TBC1D20: variants seen among roughly 807,000 people sequenced by gnomAD.
TBC1D20 encodes chromosome 20 open reading frame 140.
A neutral mutation model predicts 41.6 loss-of-function variants in TBC1D20; 12 were observed. That is an observed-to-expected ratio of 0.29 (90% CI 0.18 to 0.47). TBC1D20 has a LOEUF of 0.47. Ranked by LOEUF, TBC1D20 falls within the 20% of genes least tolerant of loss-of-function variation. The pLI, the probability that TBC1D20 is intolerant of heterozygous loss-of-function variation, is 1.00. For synonymous variants in TBC1D20, 205 were observed against 204.8 expected (o/e 1.00, Z -0.01); for missense variants, 421 against 517.4 (o/e 0.81, Z 1.81).
At chr20:441,547 C>A in intron 5 of TBC1D20, 41 bp downstream of exon 5, 1 of 1,490,300 alleles carries the variant, frequency 6.7e-7, no homozygotes, top group Non-Finnish European at 9.4e-7. Flanking sequence ...GGGGTGTGGG[C>A]GTGTGTATGC....
In TBC1D20 at chr20:436,350, C is replaced by T. The variant is rs2017117880; in HGVS notation, c.*2236G>A. On this transcript the variant is annotated 3_prime_UTR_variant, in exon 8 of 8. Transcript: ENST00000354200. ...ACAAAATATTTACACATATTCTTTA[C>T]AGAATAAGTAAACCACCTGAAGGTA... 1 of 152,320 alleles carries T rather than the reference C, an allele frequency of 6.6e-6. No individual in the cohort carries two copies. Among genetic ancestry groups the T allele is most frequent in the African/African-American group, 2.4e-5 (1 of 41,448 alleles). The allele number at this position is 152,320 out of a possible 1,614,324, so 9.4% of individuals were successfully genotyped here. A position where few individuals can be genotyped will look rare whatever the true frequency, so the allele number is the denominator to read the frequency against.
At chr20:444,282 G>A (rs1194547267) in intron 3 of TBC1D20, among the ~76,000 whole-genome samples, 1 of 152,226 alleles carries the variant, frequency 6.6e-6, no homozygotes, top group Non-Finnish European at 1.5e-5. Context: ...TGTCCAGGGA[G>A]CAAGAATGCC....
At chr20:444,984 T>G (rs535285727) in intron 3 of TBC1D20, 66 bp downstream of exon 3, 2 of 1,434,086 alleles carry the variant, frequency 1.4e-6, no homozygotes, top group African/African-American at 2.8e-5. Context: ...GCATATTAGG[T>G]CACATGGTAT....
Position 439,208 on chromosome 20 carries a change from A to G in TBC1D20, c.856T>C (p.Leu286=), listed in dbSNP as rs1365599003. The G allele has an allele frequency of 3.1e-6, 5 of 1,614,100 alleles. No individual in the cohort carries two copies. Among genetic ancestry groups the G allele is most frequent in the Non-Finnish European group, 4.2e-6 (5 of 1,180,038 alleles). The change falls in exon 7 of 8, where the codon TTG becomes CTG. Residue 286 remains leucine, a synonymous_variant. Coordinates refer to ENST00000354200, the MANE Select transcript of TBC1D20 (RefSeq NM_144628.4). The surrounding 1 kb of genome is among the most constrained non-coding windows in gnomAD (Gnocchi z 4.6). ...CTGCTGATCAGTGTCTCATAGGGCA[A>G]GTCCTGAGGGATCTGGGACAACAGG... The part of the protein sequence containing the change: ...HHLLSQIPQD[L]PYETLISRAG...
chr20:448,721 C>CT (rs2017385647), intron 1 of TBC1D20, among the ~76,000 whole-genome samples: 1 of 151,312 alleles, frequency 6.6e-6, no homozygotes, highest in Non-Finnish European at 1.5e-5. Flanking sequence ...CATTGTCTCT[C>CT]TAAGTTGCCC....
At position 436,372 on chromosome 20, in the gene TBC1D20, G is replaced by T. The variant is rs2017118098; in HGVS notation, c.*2214C>A. On this transcript the variant is annotated 3_prime_UTR_variant, in exon 8 of 8. Coordinates refer to ENST00000354200, the MANE Select transcript of TBC1D20 (RefSeq NM_144628.4). ...TTACAGAATAAGTAAACCACCTGAA[G>T]GTAATTAGATAATGCTTTCTTCTCA... 1 of 152,458 alleles carries T rather than the reference G, an allele frequency of 6.6e-6. No homozygotes were observed. The highest frequency in any genetic ancestry group is 1.5e-5 in the Non-Finnish European group (1 of 68,038). 9.4% of individuals were successfully genotyped at this position (152,458 alleles called of 1,614,324 possible). A position where few individuals can be genotyped will look rare whatever the true frequency, so the allele number is the denominator to read the frequency against.
intron 1 of TBC1D20, among the ~76,000 whole-genome samples, chr20:457,125 A>T (rs1425912804): frequency 6.7e-6 from 1 of 150,284 alleles, no homozygotes; most frequent in Non-Finnish European, 1.5e-5. Flanking sequence ...TAGTAGAGAC[A>T]GGGTTTTTCC....
chr20:440,120 A>C, intron 6 of TBC1D20, 128 bp downstream of exon 6: 2 of 1,216,786 alleles, frequency 1.6e-6, no homozygotes, highest in Non-Finnish European at 2.3e-6. Context: ...AATGGTGTCC[A>C]GGGACACCAG....
At chr20:452,389 A>C (rs762992754) in intron 1 of TBC1D20, among the ~76,000 whole-genome samples, 12 of 152,226 alleles carry the variant, frequency 7.9e-5, no homozygotes, top group Non-Finnish European at 1.6e-4. Context: ...AGTGCTGTGG[A>C]GGGCCAAGGT....
Position 439,568 on chromosome 20 carries a change from GTGT to G in TBC1D20, c.769-276_769-274del, listed in dbSNP as rs1200562466. The stretch of plus-strand genomic sequence containing the variant: ...CCTTCGGGCATGCTGGGCTGCTCAG[GTGT>G]CCCTTTAAGTCTTGAAAGAAATGAA... On this transcript the variant is annotated intron_variant, in intron 6 of 7. Coordinates refer to ENST00000354200, the MANE Select transcript of TBC1D20 (RefSeq NM_144628.4). The surrounding 1 kb of genome is among the most constrained non-coding windows in gnomAD (Gnocchi z 4.6). 2.0e-5 allele frequency among the ~76,000 whole-genome samples: 3 copies of G among 152,244 alleles called. No individual in the cohort carries two copies. The highest frequency in any genetic ancestry group is 7.2e-5 in the African/African-American group (3 of 41,462).
chr20:451,005 A>G (rs192293767), intron 1 of TBC1D20, among the ~76,000 whole-genome samples: 2 of 152,328 alleles, frequency 1.3e-5, no homozygotes, highest in Admixed American at 1.3e-4. Flanking sequence ...AGTACCATTG[A>G]GAAAATATGT....
chr20:447,903 G>A lies in TBC1D20; in HGVS notation c.242C>T (p.Pro81Leu). The change falls in exon 2 of 8, where the codon CCA (proline) becomes CTA (leucine). Residue 81 changes from proline to leucine, a missense_variant. Pro to Leu is a moderately conservative substitution (Grantham distance 98, BLOSUM62 -3). Transcript: ENST00000354200. ...ACTCCCCTTACCTGATATAGGAGGT[G>A]GGTCATTGGCATTGACATTGAGGAG... The part of the protein sequence containing the change: ...PKLLNVNAND[P>L]PPISGKNLRQ... 1.9e-6 allele frequency: 3 copies of A among 1,612,570 alleles called. No homozygotes were observed. The highest frequency in any genetic ancestry group is 2.5e-6 in the Non-Finnish European group (3 of 1,179,530).
At chr20:453,707 G>T (rs1264557149) in intron 1 of TBC1D20, among the ~76,000 whole-genome samples, 2 of 145,490 alleles carry the variant, frequency 1.4e-5, no homozygotes, top group Admixed American at 1.3e-4. Context: ...CACCATGCCT[G>T]GCTAATTTTT....
In TBC1D20 at chr20:462,393, T is replaced by G; in HGVS notation, c.13A>C (p.Ser5Arg). MALR[S>R]AQGDGPTSGH... The stretch of plus-strand genomic sequence containing the variant: ...GAGGTGGGGCCGTCGCCCTGCGCAC[T>G]CCGGAGGGCCATGCCCCGGGGCCCC... Residue 5 changes from serine to arginine, a missense_variant, in exon 1 of 8, where the codon AGT (serine) becomes CGT (arginine). Around this residue, in one of 3 missense-constraint regions of TBC1D20, gnomAD observed 150 missense variants for 151.3 expected, o/e 0.99. Transcript: ENST00000354200. The G allele has an allele frequency of 7.8e-7, 1 of 1,274,764 alleles. No individual in the cohort carries two copies. Among genetic ancestry groups the G allele is most frequent in the Non-Finnish European group, 1.0e-6 (1 of 1,001,356 alleles). 79.0% of individuals were successfully genotyped at this position (1,274,764 alleles called of 1,614,324 possible).
chr20:458,799 A>G (rs2017583701), intron 1 of TBC1D20, among the ~76,000 whole-genome samples: 1 of 152,220 alleles, frequency 6.6e-6, no homozygotes, highest in Admixed American at 6.5e-5. Context: ...GGTGATGCTC[A>G]CTGCAGAACT....
intron 3 of TBC1D20, among the ~76,000 whole-genome samples, chr20:442,967 G>A (rs905563790): frequency 9.2e-5 from 14 of 152,260 alleles, no homozygotes; most frequent in African/African-American, 3.1e-4. Context: ...GGGCGTGGTG[G>A]CAGGCGCCTG....
Position 439,347 on chromosome 20 carries a change from G to C in TBC1D20, c.769-52C>G, listed in dbSNP as rs747520654. 3 of 1,392,714 alleles carry C rather than the reference G, an allele frequency of 2.2e-6. No individual in the cohort carries two copies. The highest frequency in any genetic ancestry group is 3.0e-6 in the Non-Finnish European group (3 of 1,008,930). The allele number at this position is 1,392,714 out of a possible 1,614,324, so 86.3% of individuals were successfully genotyped here. On this transcript the variant is annotated intron_variant, in intron 6 of 7. Coordinates refer to ENST00000354200, the MANE Select transcript of TBC1D20 (RefSeq NM_144628.4). This position sits in a 1 kb window ranked among gnomAD's most constrained non-coding sequence, Gnocchi z 4.6. The stretch of plus-strand genomic sequence containing the variant: ...GTCAGAGGCCAGACACACAGGGCCT[G>C]GGCCACCTGCACTCCATTATCCTTG...
intron 1 of TBC1D20, among the ~76,000 whole-genome samples, chr20:461,848 G>C (rs1190584242): frequency 6.6e-6 from 1 of 152,246 alleles, no homozygotes; most frequent in African/African-American, 2.4e-5. Flanking sequence ...TCACTGAACT[G>C]TGCACCTTAA....
At chr20:442,643 T>C (rs1220935021) in intron 3 of TBC1D20, among the ~76,000 whole-genome samples, 2 of 152,264 alleles carry the variant, frequency 1.3e-5, no homozygotes, top group African/African-American at 4.8e-5. Flanking sequence ...GTTACTGATG[T>C]TGCTCAGTGT....
Sources: gnomAD v4.1 joint callset for allele counts (sites outside exome capture counted in the v4.1 genomes callset) on GRCh38, gnomAD v4.1.1 for gene constraint, gnomAD v4.1.1 regional missense constraint, Gnocchi (gnomAD v3.1) non-coding constraint, MANE v1.5 for transcripts, NCBI Gene and HGNC (gene_info 2026-07-23, HGNC 2026-07-21) for gene names.